Variants in NUS1 observed in about 807,000 individuals in gnomAD.
The protein encoded by NUS1 is dehydrodolichyl diphosphate synthase complex subunit NUS1.
For missense variants in NUS1, 292 were observed against 382.9 expected, an observed-to-expected ratio of 0.76 and a Z score of 1.98; for synonymous variants, 135 against 155.2, an observed-to-expected ratio of 0.87 and a Z score of 0.97.
At chr6:117,683,875 A>G (rs1475155215) in intron 1 of NUS1, among the ~76,000 whole-genome samples, 1 of 152,234 alleles carries the variant, frequency 6.6e-6, no homozygotes, top group Non-Finnish European at 1.5e-5. Flanking sequence ...ATACTTGTCT[A>G]ATTAAACTCC....
chr6:117,680,695 CTTACA>C lies in NUS1; in HGVS notation c.415+4614_415+4618del, dbSNP rs145699023. On this transcript the variant is annotated intron_variant, in intron 1 of 4. Transcript: ENST00000368494. ...GATCAAAGGATACTCTGCTACTTGC[CTTACA>C]TTAGATTATTTATATTTCATGTTCC... 8.1e-3 allele frequency among the ~76,000 whole-genome samples: 1,232 copies of C among 152,272 alleles called. 18 individuals are homozygous for C. Among genetic ancestry groups the C allele is most frequent in the African/African-American group, 0.026 (1,074 of 41,544 alleles).
intron 1 of NUS1, among the ~76,000 whole-genome samples, chr6:117,681,871 C>T (rs899495002): frequency 6.6e-6 from 1 of 152,220 alleles, no homozygotes; most frequent in African/African-American, 2.4e-5. Context: ...CTGGCTCTGT[C>T]GCCCAGGCTG....
rs371836612 is a variant in NUS1, at chr6:117,706,792, G to T, written c.792-133G>T. The T allele has an allele frequency of 1.2e-4, 83 of 683,570 alleles. 1 individual carries two copies. The East Asian group carries it at 1.5e-3, about 12-fold the overall frequency. 42.3% of individuals were successfully genotyped at this position (683,570 alleles called of 1,614,324 possible). A position where few individuals can be genotyped will look rare whatever the true frequency, so the allele number is the denominator to read the frequency against. ...TATGATTAAGACATTTTCCGTGCCT[G>T]TCATGGTGCTGTCTGGTGGAGGATA... is the stretch of plus-strand genomic sequence containing the variant. On this transcript the variant is annotated intron_variant, in intron 4 of 4. Coordinates refer to ENST00000368494, the MANE Select transcript of NUS1 (RefSeq NM_138459.5).
At chr6:117,680,503 C>A (rs1047576555) in intron 1 of NUS1, among the ~76,000 whole-genome samples, 3 of 152,180 alleles carry the variant, frequency 2.0e-5, no homozygotes, top group Non-Finnish European at 1.5e-5. Flanking sequence ...TTTTTCAAAA[C>A]CTGTCTGTGG....
intron 4 of NUS1, among the ~76,000 whole-genome samples, chr6:117,704,747 T>C (rs2114694628): frequency 6.6e-6 from 1 of 152,276 alleles, no homozygotes; most frequent in East Asian, 1.9e-4. Context: ...AGAGATGAAA[T>C]GACTCCTAAG....
chr6:117,694,090 G>A lies in NUS1; in HGVS notation c.601G>A (p.Val201Ile), dbSNP rs1238998019. The stretch of plus-strand genomic sequence containing the variant: ...TCCGGAAGATGGAAAAGCAGATATT[G>A]TAAGAGCTGCTCAGGACTTTTGCCA... ...LSPEDGKADI[V>I]RAAQDFCQLV... Residue 201 changes from valine (V) to isoleucine (I), a missense_variant, in exon 3 of 5, where the codon GTA (valine) becomes ATA (isoleucine). Coordinates refer to ENST00000368494, the MANE Select transcript of NUS1 (RefSeq NM_138459.5). 6 of 1,612,866 alleles carry A rather than the reference G, an allele frequency of 3.7e-6. No individual in the cohort carries two copies. The Admixed American group carries it at 5.0e-5, about 13-fold the overall frequency.
chr6:117,675,905 G>T lies in NUS1; in HGVS notation c.235G>T (p.Ala79Ser). The change falls in exon 1 of 5, where the codon GCA becomes TCA. Residue 79 changes from alanine to serine, a missense_variant. By Grantham distance (99) the Ala-to-Ser change is moderately conservative. Coordinates refer to ENST00000368494, the MANE Select transcript of NUS1 (RefSeq NM_138459.5). ...GCACCCGCGCGGGGGGTCGTGCCTG[G>T]CAGCCGCACACCACCGGATGCGCTG... The part of the protein sequence containing the change: ...HRHPRGGSCL[A>S]AAHHRMRWRA... 1.9e-6 allele frequency: 3 copies of T among 1,540,418 alleles called. No homozygotes were observed. Among genetic ancestry groups the T allele is most frequent in the Non-Finnish European group, 2.6e-6 (3 of 1,141,906 alleles).
Position 117,676,138 on chromosome 6 carries a change from C to T in NUS1, c.415+53C>T, listed in dbSNP as rs1468579843. ...GGCCGAGGCGTCTTGGACCGCTAGACCGCTGGTCTGGCGGGTGGTGCCCAT... is the reference window on the plus strand; with the variant it reads ...GGCCGAGGCGTCTTGGACCGCTAGATCGCTGGTCTGGCGGGTGGTGCCCAT... On this transcript the variant is annotated intron_variant, in intron 1 of 4. Coordinates refer to ENST00000368494, the MANE Select transcript of NUS1 (RefSeq NM_138459.5). 2.6e-6 allele frequency: 4 copies of T among 1,548,358 alleles called. No homozygotes were observed. The African/African-American group carries it at 4.1e-5, about 16-fold the overall frequency.
intron 3 of NUS1, among the ~76,000 whole-genome samples, chr6:117,699,944 G>T (rs1248997520): frequency 6.6e-6 from 1 of 152,078 alleles, no homozygotes; most frequent in African/African-American, 2.4e-5. Flanking sequence ...AGGGAAAACT[G>T]GATATCCGCA....
chr6:117,707,734 T>G lies in NUS1; in HGVS notation c.*719T>G, dbSNP rs1476905369. On this transcript the variant is annotated 3_prime_UTR_variant, in exon 5 of 5. Coordinates refer to ENST00000368494, the MANE Select transcript of NUS1 (RefSeq NM_138459.5). ...TGCTCTGGTATTCTGAGAGTTGCTC[T>G]GTATTCTGGGTTCTGAAGATTATTT... 1 of 151,402 alleles carries G rather than the reference T, an allele frequency of 6.6e-6. No individual in the cohort carries two copies. Among genetic ancestry groups the G allele is most frequent in the East Asian group, 1.9e-4 (1 of 5,158 alleles). The allele number at this position is 151,402 out of a possible 1,614,324, so 9.4% of individuals were successfully genotyped here.
intron 3 of NUS1, among the ~76,000 whole-genome samples, chr6:117,702,245 T>C (rs140806538): frequency 1.6e-3 from 247 of 152,358 alleles, no homozygotes; most frequent in African/African-American, 5.8e-3. Flanking sequence ...CACCTTTAAC[T>C]GTCAAACCAT....
intron 4 of NUS1, among the ~76,000 whole-genome samples, chr6:117,704,459 A>G (rs574891383): frequency 7.9e-5 from 12 of 152,268 alleles, no homozygotes; most frequent in African/African-American, 1.9e-4. Flanking sequence ...GCTCCTCTCT[A>G]TTGCATCTAT....
At chr6:117,696,169 A>G (rs1362201019) in intron 3 of NUS1, among the ~76,000 whole-genome samples, 1 of 152,072 alleles carries the variant, frequency 6.6e-6, no homozygotes. Flanking sequence ...AGAGTCTCTT[A>G]ATAGCAGAAT....
At chr6:117,687,773 C>T (rs937874517) in intron 1 of NUS1, among the ~76,000 whole-genome samples, 1 of 152,158 alleles carries the variant, frequency 6.6e-6, no homozygotes, top group African/African-American at 2.4e-5. Flanking sequence ...TAATGTTGGG[C>T]TGAGCAGTTC....
At chr6:117,686,216 C>T (rs1469344090) in intron 1 of NUS1, among the ~76,000 whole-genome samples, 2 of 151,642 alleles carry the variant, frequency 1.3e-5, no homozygotes, top group African/African-American at 2.4e-5. Flanking sequence ...GCCGAGATCG[C>T]GCCACTGCAC....
rs528444154 is a variant in NUS1 at position 117,675,578 on chromosome 6, C to A, written c.-93C>A. 1.5e-4 allele frequency: 200 copies of A among 1,321,718 alleles called. No homozygotes were observed. The African/African-American group carries it at 2.8e-3, about 18-fold the overall frequency. 81.9% of individuals were successfully genotyped at this position (1,321,718 alleles called of 1,614,324 possible). On this transcript the variant is annotated 5_prime_UTR_variant, in exon 1 of 5. Transcript: ENST00000368494. ...GCTCGGGGGGCGGGGGGACGCGGAG[C>A]GATGGCCCGCGCCGGCCGCAGGGGC...
chr6:117,701,193 C>T (rs1439746004), intron 3 of NUS1, among the ~76,000 whole-genome samples: 1 of 149,818 alleles, frequency 6.7e-6, no homozygotes, highest in East Asian at 2.0e-4. Context: ...AATATTGAGT[C>T]TTCCAGTTCA....
At chr6:117,700,336 A>C (rs1386812431) in intron 3 of NUS1, among the ~76,000 whole-genome samples, 1 of 152,250 alleles carries the variant, frequency 6.6e-6, no homozygotes, top group Non-Finnish European at 1.5e-5. Flanking sequence ...AAAAGATCTG[A>C]ATAGATATTT....
chr6:117,702,166 A>G (rs918527868), intron 3 of NUS1, among the ~76,000 whole-genome samples: 1 of 152,150 alleles, frequency 6.6e-6, no homozygotes, highest in Non-Finnish European at 1.5e-5. Context: ...TTGCCATTGT[A>G]TTAACTGGGG....
Sources: allele counts gnomAD v4.1 joint callset (sites outside exome capture counted in the v4.1 genomes callset), GRCh38; gene constraint gnomAD v4.1.1; transcripts MANE v1.5; gene names NCBI Gene and HGNC (gene_info 2026-07-23, HGNC 2026-07-21).